Variants in AXDND1 observed in about 807,000 individuals in gnomAD.
AXDND1 encodes axonemal dynein light chain domain-containing protein 1.
In AXDND1, 110 loss-of-function variants were observed where a neutral mutation model predicts 137.5. The observed-to-expected ratio is 0.80, with a 90% CI of 0.69 to 0.94. The LOEUF (loss-of-function observed/expected upper bound fraction) is 0.94. Ranked by LOEUF, AXDND1 falls within the 40% of genes least tolerant of loss-of-function variation. AXDND1 has a pLI of 0.00. For synonymous variants in AXDND1, 414 were observed against 399.7 expected, an observed-to-expected ratio of 1.04 and a Z score of -0.43; for missense variants, 1,191 against 1,169.8, an observed-to-expected ratio of 1.02 and a Z score of -0.26.
chr1:179,408,023 C>G (rs1558134224), intron 11 of AXDND1, among the ~76,000 whole-genome samples: 1 of 152,180 alleles, frequency 6.6e-6, no homozygotes, highest in African/African-American at 2.4e-5. Flanking sequence ...GAAGAAATTC[C>G]TTCTTCTACT....
rs78881093 is a variant in AXDND1, at chr1:179,370,094, A to C, written c.374+16A>C. The C allele has an allele frequency of 8.8e-3, 13,768 of 1,571,336 alleles. 412 individuals are homozygous for C. The highest frequency in any genetic ancestry group is 0.078 in the Admixed American group (4,609 of 59,312). On this transcript the variant is annotated intron_variant, in intron 4 of 25. Transcript: ENST00000367618. ...GAGCTGGAAGGTAAAGAAGGAAGATAGTAGGATAGATGCTGATAAATAGAG... is the reference window on the plus strand; with the variant it reads ...GAGCTGGAAGGTAAAGAAGGAAGATCGTAGGATAGATGCTGATAAATAGAG...
At position 179,389,952 on chromosome 1, in the gene AXDND1, C is replaced by T. The variant is rs977132443; in HGVS notation, c.864-3951C>T. Among the ~76,000 whole-genome samples, 6 of 151,966 alleles carry T rather than the reference C, an allele frequency of 3.9e-5. No homozygotes were observed. In the South Asian group the frequency reaches 8.3e-4, roughly 21 times the overall value. The stretch of plus-strand genomic sequence containing the variant: ...TTCTGTCAATGAATGAAAGATTAAA[C>T]GACCAGTCAACTCAGACATATTACA... On this transcript the variant is annotated intron_variant, in intron 9 of 25. Transcript: ENST00000367618.
At position 179,368,925 on chromosome 1, in the gene AXDND1, C is replaced by T. The variant is rs757954326; in HGVS notation, c.223C>T (p.Pro75Ser). ...TCTGACCTATGCGGCCAATGCTGGT[C>T]CTTGTCCTGAAAACTTACTACCTCC... is the stretch of plus-strand genomic sequence containing the variant. ...LSLTYAANAGPCPENLLPPKK... is the reference protein window; with the variant it reads ...LSLTYAANAGSCPENLLPPKK... Residue 75 changes from proline to serine, a missense_variant, in exon 3 of 26, where the codon CCT (proline) becomes TCT (serine). By Grantham distance (74) the Pro-to-Ser change is moderately conservative (BLOSUM62 -1). Transcript: ENST00000367618. 1 of 1,613,988 alleles carries T rather than the reference C, an allele frequency of 6.2e-7. No individual in the cohort carries two copies. The highest frequency in any genetic ancestry group is 8.5e-7 in the Non-Finnish European group (1 of 1,179,896).
At chr1:179,462,250 C>T (rs547058955) in intron 16 of AXDND1, among the ~76,000 whole-genome samples, 2 of 152,274 alleles carry the variant, frequency 1.3e-5, no homozygotes, top group East Asian at 1.9e-4. Flanking sequence ...GAGTTTTTAA[C>T]ATGAAGGGCT....
intron 20 of AXDND1, among the ~76,000 whole-genome samples, chr1:179,509,073 C>T (rs1668785974): frequency 6.6e-6 from 1 of 152,080 alleles, no homozygotes; most frequent in Non-Finnish European, 1.5e-5. Context: ...TTCACTACTC[C>T]CTGTCCCATT....
intron 16 of AXDND1, among the ~76,000 whole-genome samples, chr1:179,467,620 C>G (rs1435511979): frequency 1.3e-5 from 2 of 152,132 alleles, no homozygotes; most frequent in African/African-American, 4.8e-5. Flanking sequence ...AACCAATCCT[C>G]TGTAGATACT....
intron 25 of AXDND1, among the ~76,000 whole-genome samples, chr1:179,541,682 T>C (rs922806670): frequency 8.1e-5 from 12 of 148,190 alleles, no homozygotes; most frequent in African/African-American, 3.0e-4. Flanking sequence ...CATAATAATA[T>C]TGCATGATAA....
chr1:179,366,639 T>C, intron 2 of AXDND1, 33 bp downstream of exon 2: 1 of 1,543,828 alleles, frequency 6.5e-7, no homozygotes, highest in Non-Finnish European at 8.9e-7. Flanking sequence ...TCATAAACAG[T>C]CATGGCCGTA....
At chr1:179,448,037 T>C in intron 16 of AXDND1, 3 of 1,345,204 alleles carry the variant, frequency 2.2e-6, no homozygotes, top group South Asian at 1.2e-5. Context: ...GTGACAGACA[T>C]TGAAAAATTC....
chr1:179,421,338 C>A (rs1049153303), intron 12 of AXDND1, among the ~76,000 whole-genome samples: 1 of 132,752 alleles, frequency 7.5e-6, no homozygotes, highest in African/African-American at 3.2e-5. Flanking sequence ...TCCTTCCTTT[C>A]TTCCTTCCTT....
At chr1:179,456,263 A>G in intron 16 of AXDND1, 2 of 732,624 alleles carry the variant, frequency 2.7e-6, no homozygotes, top group East Asian at 2.7e-5. Flanking sequence ...TGCTACTGGA[A>G]CCTCCATAGC....
chr1:179,491,207 A>T (rs113829579), intron 18 of AXDND1, among the ~76,000 whole-genome samples: 20 of 152,230 alleles, frequency 1.3e-4, no homozygotes, highest in African/African-American at 4.3e-4. Context: ...GCTACTCAGG[A>T]GGTTAAGATG....
intron 25 of AXDND1, chr1:179,551,028 G>T: frequency 1.1e-6 from 1 of 910,476 alleles, no homozygotes; most frequent in Non-Finnish European, 1.7e-6. Context: ...TCTTCTCATG[G>T]ATGGTGCATT....
intron 20 of AXDND1, among the ~76,000 whole-genome samples, chr1:179,497,966 T>G (rs1667619017): frequency 6.6e-6 from 1 of 151,990 alleles, no homozygotes; most frequent in Admixed American, 6.6e-5. Flanking sequence ...GTGAAAGGCG[T>G]CTACAAGGAG....
At chr1:179,395,259 G>A in intron 11 of AXDND1, 57 bp downstream of exon 11, 1 of 1,314,458 alleles carries the variant, frequency 7.6e-7, no homozygotes, top group South Asian at 1.3e-5. Flanking sequence ...AGCTTATATA[G>A]CTTCTGAAAT....
chr1:179,411,280 G>C lies in AXDND1; in HGVS notation c.1230+14G>C. 1 of 1,601,836 alleles carries C rather than the reference G, an allele frequency of 6.2e-7. No homozygotes were observed. On this transcript the variant is annotated intron_variant, in intron 12 of 25. Transcript: ENST00000367618. Reference sequence around the variant, plus strand: ...TTGGCCCTGAAGGTTAGTTCATCTGGATTCACAACTCACACTTCTTTTTTG... The same window carrying C: ...TTGGCCCTGAAGGTTAGTTCATCTGCATTCACAACTCACACTTCTTTTTTG...
At chr1:179,485,076 G>A (rs567418850) in intron 18 of AXDND1, among the ~76,000 whole-genome samples, 1 of 152,338 alleles carries the variant, frequency 6.6e-6, no homozygotes, top group African/African-American at 2.4e-5. Flanking sequence ...CGGCCCCCAT[G>A]CGTGAACATG....
chr1:179,498,785 C>T (rs906837889), intron 20 of AXDND1, among the ~76,000 whole-genome samples: 3 of 151,918 alleles, frequency 2.0e-5, no homozygotes, highest in Non-Finnish European at 2.9e-5. Context: ...ACAGATATTT[C>T]TCAAAAGAAG....
At chr1:179,533,954 T>G in intron 24 of AXDND1, 77 bp downstream of exon 24, 1 of 1,323,480 alleles carries the variant, frequency 7.6e-7, no homozygotes, top group Admixed American at 1.7e-5. Flanking sequence ...TCACACTTTT[T>G]GGCTTCCCTT....
Sources: allele counts gnomAD v4.1 joint callset (sites outside exome capture counted in the v4.1 genomes callset), GRCh38; gene constraint gnomAD v4.1.1; transcripts MANE v1.5; gene names NCBI Gene and HGNC (gene_info 2026-07-23, HGNC 2026-07-21).